Variants in PDGFD observed in about 807,000 individuals in gnomAD.
The protein encoded by PDGFD is platelet derived growth factor D.
A neutral mutation model predicts 44.7 loss-of-function variants in PDGFD; 30 were observed. The ratio of observed to expected loss-of-function variants is 0.67; its 90% confidence interval spans 0.50 to 0.91. The LOEUF is 0.91. Ranked by LOEUF, PDGFD falls within the 40% of genes least tolerant of loss-of-function variation. The pLI, the probability that PDGFD is intolerant of heterozygous loss-of-function variation, is 0.00. For missense variants in PDGFD, 445 were observed against 457.8 expected (o/e 0.97, Z 0.25); for synonymous variants, 173 against 168.4 (o/e 1.03, Z -0.21).
intron 3 of PDGFD, among the ~76,000 whole-genome samples, chr11:103,959,994 C>T (rs1351540735): frequency 6.6e-6 from 1 of 152,162 alleles, no homozygotes; most frequent in East Asian, 1.9e-4. Context: ...ACATCTTTTA[C>T]TTTGACCAGT....
At chr11:104,143,183 G>C (rs1411312666) in intron 1 of PDGFD, among the ~76,000 whole-genome samples, 1 of 152,040 alleles carries the variant, frequency 6.6e-6, no homozygotes, top group African/African-American at 2.4e-5. Context: ...AATGTTTTTT[G>C]TTTGTTTAAT....
chr11:103,933,508 T>C (rs557674436), intron 5 of PDGFD, among the ~76,000 whole-genome samples: 2 of 152,208 alleles, frequency 1.3e-5, no homozygotes, highest in Non-Finnish European at 2.9e-5. Flanking sequence ...CACATGTGGG[T>C]TTAACATCTA....
intron 1 of PDGFD, among the ~76,000 whole-genome samples, chr11:104,072,394 G>C (rs1860893095): frequency 6.6e-6 from 1 of 151,710 alleles, no homozygotes; most frequent in Admixed American, 6.6e-5. Flanking sequence ...TCTAGGTATT[G>C]TGTATAATAA....
At chr11:104,148,809 A>C (rs7937813) in intron 1 of PDGFD, among the ~76,000 whole-genome samples, 68,338 of 151,920 alleles carry the variant, frequency 0.45, 15,443 homozygotes, top group East Asian at 0.61. Context: ...GTGTTCTCAT[A>C]ACTTAGCTTA....
intron 1 of PDGFD, among the ~76,000 whole-genome samples, chr11:104,158,413 T>C (rs1229230067): frequency 1.3e-5 from 2 of 152,210 alleles, no homozygotes; most frequent in African/African-American, 4.8e-5. Context: ...AACTGACAAT[T>C]GTTTGTCTAT....
chr11:103,959,540 C>A (rs142345317), intron 3 of PDGFD, among the ~76,000 whole-genome samples: 1 of 152,316 alleles, frequency 6.6e-6, no homozygotes, highest in Non-Finnish European at 1.5e-5. Flanking sequence ...ACTCCCCACT[C>A]AACTAGCAAC....
chr11:103,918,107 G>A (rs1365064713), intron 6 of PDGFD, among the ~76,000 whole-genome samples: 1 of 152,204 alleles, frequency 6.6e-6, no homozygotes, highest in East Asian at 1.9e-4. Flanking sequence ...TCAGTACAAA[G>A]TTGGCAGGGG....
intron 1 of PDGFD, 51 bp downstream of exon 1, chr11:104,163,752 CA>C: frequency 6.7e-7 from 1 of 1,487,918 alleles, no homozygotes; most frequent in Non-Finnish European, 9.0e-7. Flanking sequence ...AGAACAATAA[CA>C]ATAGCAAACA....
At chr11:103,909,940 T>C (rs1858001722) in intron 6 of PDGFD, 121 bp from the exon 7 acceptor site, 3 of 1,210,338 alleles carry the variant, frequency 2.5e-6, no homozygotes, top group South Asian at 2.7e-5. Flanking sequence ...ACAGAAGCTA[T>C]GGGCTTGCTA....
chr11:104,130,067 G>A (rs771854565), intron 1 of PDGFD, among the ~76,000 whole-genome samples: 9 of 151,616 alleles, frequency 5.9e-5, no homozygotes, highest in Non-Finnish European at 1.2e-4. Context: ...AATTAAAGGG[G>A]GTTGACAGAG....
At chr11:103,977,614 C>A (rs1397022965) in intron 3 of PDGFD, among the ~76,000 whole-genome samples, 1 of 152,032 alleles carries the variant, frequency 6.6e-6, no homozygotes, top group Non-Finnish European at 1.5e-5. Context: ...GTTGAATCAG[C>A]CACTCGAAAT....
intron 1 of PDGFD, among the ~76,000 whole-genome samples, chr11:104,161,813 C>T (rs577196290): frequency 6.6e-6 from 1 of 152,204 alleles, no homozygotes; most frequent in Non-Finnish European, 1.5e-5. Context: ...ACTAACAATC[C>T]ATTATGAATA....
chr11:104,148,015 G>A (rs1862187766), intron 1 of PDGFD, among the ~76,000 whole-genome samples: 1 of 152,144 alleles, frequency 6.6e-6, no homozygotes, highest in African/African-American at 2.4e-5. Flanking sequence ...TCATGGCAGA[G>A]AAATGAAGTG....
At chr11:103,992,391 A>G (rs34239719) in intron 3 of PDGFD, among the ~76,000 whole-genome samples, 11,575 of 152,322 alleles carry the variant, frequency 0.076, 556 homozygotes, top group Non-Finnish European at 0.11. Context: ...GGTAAAAGGT[A>G]GAATTATTGT....
At chr11:103,971,618 C>T (rs756094160) in intron 3 of PDGFD, among the ~76,000 whole-genome samples, 2 of 152,132 alleles carry the variant, frequency 1.3e-5, no homozygotes, top group Non-Finnish European at 2.9e-5. Flanking sequence ...GGTATATATA[C>T]TTACATCTCA....
intron 1 of PDGFD, among the ~76,000 whole-genome samples, chr11:104,055,384 G>A (rs1482860732): frequency 6.6e-6 from 1 of 152,072 alleles, no homozygotes; most frequent in Admixed American, 6.6e-5. Context: ...TGATTAAAGC[G>A]CTCTTAACTT....
intron 1 of PDGFD, among the ~76,000 whole-genome samples, chr11:104,027,734 T>TA (rs977434996): frequency 3.3e-5 from 5 of 152,210 alleles, no homozygotes; most frequent in African/African-American, 7.2e-5. Context: ...TGTCCTTTTA[T>TA]AAAAAAATAG....
At chr11:104,091,063 T>C (rs918859143) in intron 1 of PDGFD, among the ~76,000 whole-genome samples, 1 of 152,106 alleles carries the variant, frequency 6.6e-6, no homozygotes, top group African/African-American at 2.4e-5. Context: ...GCTAAAACAG[T>C]GTGATTTACA....
chr11:104,143,321 T>C (rs1317208389), intron 1 of PDGFD, among the ~76,000 whole-genome samples: 1 of 152,152 alleles, frequency 6.6e-6, no homozygotes, highest in Non-Finnish European at 1.5e-5. Context: ...CTGTCTAATA[T>C]CTATGTCCAG....
Sources: gnomAD v4.1 joint callset for allele counts (sites outside exome capture counted in the v4.1 genomes callset) on GRCh38, gnomAD v4.1.1 for gene constraint, MANE v1.5 for transcripts, NCBI Gene and HGNC (gene_info 2026-07-23, HGNC 2026-07-21) for gene names.